CDIN1: variants seen among roughly 807,000 people sequenced by gnomAD.
The protein encoded by CDIN1 is CDAN1-interacting nuclease 1.
CDIN1 carries 33 observed loss-of-function variants against 45.3 expected under a neutral mutation model. The ratio of observed to expected loss-of-function variants is 0.73; its 90% CI spans 0.55 to 0.97. The LOEUF is 0.97. Among genes scored for constraint, CDIN1 ranks in the 50% least tolerant of loss-of-function variants. CDIN1 has a pLI of 0.00. For missense variants in CDIN1, 303 were observed against 339.4 expected (o/e 0.89, Z 0.84); for synonymous variants, 118 against 124.4 (o/e 0.95, Z 0.34).
chr15:36,720,348 T>C (rs557911613), intron 10 of CDIN1, among the ~76,000 whole-genome samples: 10 of 152,084 alleles, frequency 6.6e-5, no homozygotes, highest in South Asian at 2.1e-4. Flanking sequence ...TACATAGGTA[T>C]ACATGTGCCA....
chr15:36,787,081 G>A (rs376606746), intron 10 of CDIN1, among the ~76,000 whole-genome samples: 8 of 151,648 alleles, frequency 5.3e-5, no homozygotes, highest in East Asian at 3.9e-4. Flanking sequence ...ATTTCCAGAC[G>A]TGTGTCATCA....
chr15:36,664,309 G>A (rs2041154201), intron 5 of CDIN1, among the ~76,000 whole-genome samples: 1 of 152,050 alleles, frequency 6.6e-6, no homozygotes, highest in Non-Finnish European at 1.5e-5. Context: ...TAAACGGAAT[G>A]GTTTTTCCAA....
chr15:36,641,265 A>G (rs1566857918), intron 1 of CDIN1: 1 of 152,244 alleles, frequency 6.6e-6, no homozygotes, highest in Non-Finnish European at 1.5e-5. Context: ...ATAAGAATGG[A>G]GGCTGGTCAG....
chr15:36,639,833 C>T (rs2040036891), intron 1 of CDIN1, among the ~76,000 whole-genome samples: 1 of 152,076 alleles, frequency 6.6e-6, no homozygotes, highest in African/African-American at 2.4e-5. Flanking sequence ...ATATATTTGA[C>T]CTATAGTTAT....
intron 10 of CDIN1, among the ~76,000 whole-genome samples, chr15:36,742,200 T>C (rs1045930306): frequency 6.6e-6 from 1 of 152,124 alleles, no homozygotes; most frequent in Non-Finnish European, 1.5e-5. Context: ...AGGTCATTCA[T>C]CTGGACCACC....
rs199989630 is a variant in CDIN1 at position 36,754,907 on chromosome 15, CA to C, written c.716+44954del. On this transcript the variant is annotated intron_variant, in intron 10 of 10. Transcript: ENST00000566621. Reference sequence around the variant, plus strand: ...AATTATTTTTCTTTGATTTTTCTACCAAAAAAAAGGCCCACCCCATCATTTT... The same window carrying C: ...AATTATTTTTCTTTGATTTTTCTACCAAAAAAAGGCCCACCCCATCATTTT... Among the ~76,000 whole-genome samples, 573 of 151,404 alleles carry C rather than the reference CA, an allele frequency of 3.8e-3. 2 individuals carry two copies. Among genetic ancestry groups the C allele is most frequent in the African/African-American group, 0.013 (533 of 41,374 alleles).
intron 8 of CDIN1, among the ~76,000 whole-genome samples, chr15:36,704,010 T>C (rs972726461): frequency 1.3e-5 from 2 of 152,166 alleles, no homozygotes; most frequent in African/African-American, 4.8e-5. Context: ...ACCTGTCCTG[T>C]ATCTTTTTAT....
intron 10 of CDIN1, among the ~76,000 whole-genome samples, chr15:36,755,019 ATCTTCACGTTTT>A (rs1323355621): frequency 6.6e-6 from 1 of 152,124 alleles, no homozygotes; most frequent in Non-Finnish European, 1.5e-5. Context: ...TGCAATTCTA[ATCTTCACGTTTT>A]TCTTTCTTTA....
At chr15:36,619,045 A>C in intron 1 of CDIN1, 1 of 1,326,064 alleles carries the variant, frequency 7.5e-7, no homozygotes, top group Non-Finnish European at 1.0e-6. Context: ...TCCCACGACA[A>C]ACAAAGACAA....
intron 10 of CDIN1, among the ~76,000 whole-genome samples, chr15:36,787,370 C>T (rs2054518740): frequency 6.6e-6 from 1 of 152,308 alleles, no homozygotes; most frequent in East Asian, 1.9e-4. Flanking sequence ...TCAAGCATTT[C>T]AGTGTAATAT....
At position 36,809,183 on chromosome 15, in the gene CDIN1, T is replaced by A. The variant is rs538058027; in HGVS notation, c.*730T>A. ...ATTTATCTTATTTGAAAGTATTAGT[T>A]CCATTGTGCCTGGAAACCACACTCC... On this transcript the variant is annotated 3_prime_UTR_variant, in exon 11 of 11. Coordinates refer to ENST00000566621, the MANE Select transcript of CDIN1 (RefSeq NM_001321759.2). 11 of 293,040 alleles carry A rather than the reference T, an allele frequency of 3.8e-5. No homozygotes were observed. The East Asian group carries it at 9.9e-4, about 26-fold the overall frequency. 18.2% of individuals were successfully genotyped at this position (293,040 alleles called of 1,614,324 possible).
Position 36,709,173 on chromosome 15 carries a change from C to T in CDIN1, c.545-50C>T, listed in dbSNP as rs769655802. 1.8e-5 allele frequency: 26 copies of T among 1,457,008 alleles called. No homozygotes were observed. In the African/African-American group the frequency reaches 2.0e-4, roughly 11 times the overall value. 90.3% of individuals were successfully genotyped at this position (1,457,008 alleles called of 1,614,324 possible). The stretch of plus-strand genomic sequence containing the variant: ...GAAATAAAAACAAATATATTCCTAT[C>T]TTGTTAATTGAATAGTGTTTTAAGT... On this transcript the variant is annotated intron_variant, in intron 8 of 10. Coordinates refer to ENST00000566621, the MANE Select transcript of CDIN1 (RefSeq NM_001321759.2).
At chr15:36,663,350 C>T (rs949573041) in intron 5 of CDIN1, among the ~76,000 whole-genome samples, 4 of 152,102 alleles carry the variant, frequency 2.6e-5, no homozygotes, top group Non-Finnish European at 5.9e-5. Flanking sequence ...TTTTTTATGA[C>T]AGTGCTTTTC....
chr15:36,596,788 A>G (rs2037853698), intron 1 of CDIN1, among the ~76,000 whole-genome samples: 1 of 152,110 alleles, frequency 6.6e-6, no homozygotes, highest in Non-Finnish European at 1.5e-5. Context: ...AAAAAAACAA[A>G]AAACAAAAAA....
At chr15:36,606,252 A>G (rs968544085) in intron 1 of CDIN1, among the ~76,000 whole-genome samples, 8 of 152,056 alleles carry the variant, frequency 5.3e-5, no homozygotes, top group South Asian at 2.1e-4. Flanking sequence ...ATTATTTTAG[A>G]TATACTACCT....
chr15:36,793,133 T>G (rs1310283834), intron 10 of CDIN1, among the ~76,000 whole-genome samples: 1 of 152,154 alleles, frequency 6.6e-6, no homozygotes, highest in Non-Finnish European at 1.5e-5. Flanking sequence ...AAGTGCTTCC[T>G]TCTCTGAGCT....
chr15:36,673,633 C>G (rs1330216937), intron 5 of CDIN1, among the ~76,000 whole-genome samples: 1 of 152,024 alleles, frequency 6.6e-6, no homozygotes, highest in Non-Finnish European at 1.5e-5. Context: ...GTATGCTTCT[C>G]TGGAGCTGAA....
chr15:36,710,704 C>T (rs1464021093), intron 10 of CDIN1, among the ~76,000 whole-genome samples: 1 of 152,134 alleles, frequency 6.6e-6, no homozygotes, highest in East Asian at 1.9e-4. Context: ...GTTCACACTA[C>T]ATGTTTTTTC....
intron 1 of CDIN1, among the ~76,000 whole-genome samples, chr15:36,608,142 A>G (rs2038469028): frequency 6.6e-6 from 1 of 152,208 alleles, no homozygotes; most frequent in South Asian, 2.1e-4. Context: ...TTCTATGAAC[A>G]TTAATGTATA....
Sources: allele counts gnomAD v4.1 joint callset (sites outside exome capture counted in the v4.1 genomes callset), GRCh38; gene constraint gnomAD v4.1.1; transcripts MANE v1.5; gene names NCBI Gene and HGNC (gene_info 2026-07-23, HGNC 2026-07-21).